The following ABCC6 variants were observed in gnomAD, a reference collection of about 807,000 sequenced individuals.
The protein encoded by ABCC6 is ATP binding cassette subfamily C member 6.
ABCC6 carries 126 observed loss-of-function variants against 169.5 expected under a neutral mutation model. The observed-to-expected ratio is 0.74, with a 90% CI of 0.64 to 0.86. The LOEUF (loss-of-function observed/expected upper bound fraction) is 0.86. Among genes scored for constraint, ABCC6 ranks in the 40% least tolerant of loss-of-function variants. ABCC6 has a pLI of 0.00. For missense variants in ABCC6, 1,733 were observed against 1,927.2 expected (o/e 0.90, Z 1.89); for synonymous variants, 752 against 814.7 (o/e 0.92, Z 1.31).
At chr16:16,216,131 A>G (rs1445820120) in intron 4 of ABCC6, among the ~76,000 whole-genome samples, 1 of 152,032 alleles carries the variant, frequency 6.6e-6, no homozygotes. Context: ...CATGTTGCCC[A>G]TGCTGGTCTT....
At chr16:16,178,728 G>A (rs943050185) in intron 18 of ABCC6, 70 bp downstream of exon 18, 4 of 1,579,658 alleles carry the variant, frequency 2.5e-6, no homozygotes, top group Non-Finnish European at 1.7e-6. Context: ...ATAAACTTGG[G>A]TTAGGACTGG....
At chr16:16,177,013 G>A (rs969032965) in intron 19 of ABCC6, among the ~76,000 whole-genome samples, 2 of 152,156 alleles carry the variant, frequency 1.3e-5, no homozygotes, top group African/African-American at 4.8e-5. Context: ...AGAAACCCTA[G>A]CTAGCATGGT....
intron 4 of ABCC6, among the ~76,000 whole-genome samples, 169 bp downstream of exon 4, chr16:16,219,385 G>A (rs1359072589): frequency 1.3e-5 from 2 of 152,142 alleles, no homozygotes; most frequent in African/African-American, 2.4e-5. Flanking sequence ...GGGATGATGG[G>A]TACTGACAGG....
Position 16,187,103 on chromosome 16 carries a change from C to T in ABCC6, c.1867+21G>A, listed in dbSNP as rs761394066. ...CATCCCCCATCCCTCCCACACCCCT[C>T]CTGCCAGACTCAGCACTCACCGCTT... On this transcript the variant is annotated intron_variant, in intron 14 of 30. Transcript: ENST00000205557. 6 of 1,603,726 alleles carry T rather than the reference C, an allele frequency of 3.7e-6. No homozygotes were observed. In the African/African-American group the frequency reaches 5.4e-5, roughly 14 times the overall value.
intron 29 of ABCC6, among the ~76,000 whole-genome samples, chr16:16,152,805 G>A (rs1030456895): frequency 1.4e-4 from 22 of 152,060 alleles, no homozygotes; most frequent in African/African-American, 5.3e-4. Flanking sequence ...ACCAAGCAAC[G>A]CTGCCTCTCT....
At chr16:16,204,895 T>C (rs535642788) in intron 7 of ABCC6, among the ~76,000 whole-genome samples, 1 of 151,006 alleles carries the variant, frequency 6.6e-6, no homozygotes, top group South Asian at 2.1e-4. Flanking sequence ...GAGTGCAGTG[T>C]AGCAATCTCG....
At chr16:16,189,887 C>T (rs1442785710) in intron 12 of ABCC6, among the ~76,000 whole-genome samples, 2 of 152,112 alleles carry the variant, frequency 1.3e-5, no homozygotes, top group African/African-American at 4.8e-5. Context: ...CCTCTGCCAC[C>T]CCCCTGCATC....
chr16:16,197,140 C>G (rs1216433585), intron 10 of ABCC6, among the ~76,000 whole-genome samples: 1 of 152,158 alleles, frequency 6.6e-6, no homozygotes, highest in Admixed American at 6.6e-5. Context: ...ATTTTTCCCC[C>G]TAAAATGTTC....
Position 16,209,644 on chromosome 16 carries a change from C to A in ABCC6, c.663-785G>T, listed in dbSNP as rs139219373. On this transcript the variant is annotated intron_variant, in intron 6 of 30. Transcript: ENST00000205557. ...TTTGAGATGGAGTCTCACTCTGTTGCCTAGGCTGGAGTGCACTGATGTGAT... is the reference window on the plus strand; with the variant it reads ...TTTGAGATGGAGTCTCACTCTGTTGACTAGGCTGGAGTGCACTGATGTGAT... Among the ~76,000 whole-genome samples, 452 of 151,912 alleles carry A rather than the reference C, an allele frequency of 3.0e-3. 25 individuals carry two copies. The East Asian group carries it at 0.069, about 23-fold the overall frequency.
intron 22 of ABCC6, among the ~76,000 whole-genome samples, chr16:16,167,820 C>G (rs1375663706): frequency 6.6e-6 from 1 of 152,162 alleles, no homozygotes; most frequent in Non-Finnish European, 1.5e-5. Flanking sequence ...CAATTTCTCT[C>G]TCTCAGCTCC....
chr16:16,154,537 G>A (rs908373664), intron 29 of ABCC6, 91 bp downstream of exon 29: 23 of 1,493,766 alleles, frequency 1.5e-5, no homozygotes, highest in African/African-American at 5.5e-5. Context: ...TAATCCTATC[G>A]GGGGAGGCAT....
At chr16:16,166,672 G>C (rs1453479615) in intron 22 of ABCC6, among the ~76,000 whole-genome samples, 1 of 152,034 alleles carries the variant, frequency 6.6e-6, no homozygotes, top group Non-Finnish European at 1.5e-5. Context: ...CTGAGGTCAG[G>C]AGTTCGAGAC....
At chr16:16,213,666 T>C (rs1322677333) in intron 5 of ABCC6, among the ~76,000 whole-genome samples, 1 of 149,282 alleles carries the variant, frequency 6.7e-6, no homozygotes, top group Non-Finnish European at 1.5e-5. Context: ...ATTCAAGCAA[T>C]TCTCCTGCCT....
At chr16:16,161,662 C>T in intron 24 of ABCC6, 98 bp from the exon 25 acceptor site, 4 of 1,534,892 alleles carry the variant, frequency 2.6e-6, no homozygotes, top group Non-Finnish European at 3.6e-6. Flanking sequence ...GCTTTGTACA[C>T]ACAGGGGTCC....
intron 4 of ABCC6, among the ~76,000 whole-genome samples, chr16:16,217,743 T>C (rs2048930469): frequency 6.6e-6 from 1 of 152,114 alleles, no homozygotes; most frequent in Admixed American, 6.6e-5. Flanking sequence ...ATTTCAGAAA[T>C]TACTGAATAA....
At chr16:16,179,644 G>A (rs960939791) in intron 17 of ABCC6, among the ~76,000 whole-genome samples, 1 of 152,182 alleles carries the variant, frequency 6.6e-6, no homozygotes, top group African/African-American at 2.4e-5. Flanking sequence ...GGCTGGGAGT[G>A]CAATGGCATG....
chr16:16,150,730 G>C lies in ABCC6; in HGVS notation c.4251C>G (p.Leu1417=), dbSNP rs773407624. ...CCAGGATGAGGATCTGGGTCTTCCG[G>C]AGAAGGGCACGTGCCAGACACAGGA... ...KQLLCLARAL[L]RKTQILILDE... is the part of the protein sequence containing the mutation. Residue 1417 remains leucine (L), a synonymous_variant, in exon 30 of 31, where the codon CTC becomes CTG. Coordinates refer to ENST00000205557, the MANE Select transcript of ABCC6 (RefSeq NM_001171.6). The C allele has an allele frequency of 6.2e-7, 1 of 1,613,930 alleles. No homozygotes were observed. Among genetic ancestry groups the C allele is most frequent in the Non-Finnish European group, 8.5e-7 (1 of 1,179,970 alleles).
chr16:16,185,043 C>T lies in ABCC6; in HGVS notation c.1868-9G>A, dbSNP rs2047604466. 6.2e-7 allele frequency: 1 copy of T among 1,611,836 alleles called. No individual in the cohort carries two copies. The highest frequency in any genetic ancestry group is 8.5e-7 in the Non-Finnish European group (1 of 1,178,014). On this transcript the variant is annotated splice_polypyrimidine_tract_variant and intron_variant, in intron 14 of 30. Coordinates refer to ENST00000205557, the MANE Select transcript of ABCC6 (RefSeq NM_001171.6). The stretch of plus-strand genomic sequence containing the variant: ...GCAATCCTTCCCGGCAGCTGCAGGG[C>T]ACAAGAGGCCATTTACAGGAGACCC...
Position 16,150,740 on chromosome 16 carries a change from C to T in ABCC6, c.4241G>A (p.Arg1414His), listed in dbSNP as rs775319351. Reference protein sequence around the residue: ...VGQKQLLCLARALLRKTQILI... With the variant: ...VGQKQLLCLAHALLRKTQILI... ...GATCTGGGTCTTCCGGAGAAGGGCA[C>T]GTGCCAGACACAGGAGCTGTTTCTG... Residue 1414 changes from arginine (R) to histidine (H), a missense_variant, in exon 30 of 31, where the codon CGT (arginine) becomes CAT (histidine). Arg to His is a conservative substitution (Grantham distance 29). This residue lies in a region of ABCC6 where 1,601 missense variants were observed against 1,635.5 expected (regional missense o/e 0.98). Coordinates refer to ENST00000205557, the MANE Select transcript of ABCC6 (RefSeq NM_001171.6). 19 of 1,613,760 alleles carry T rather than the reference C, an allele frequency of 1.2e-5. No homozygotes were observed. The Middle Eastern group carries it at 4.9e-4, about 42-fold the overall frequency.
Sources: gnomAD v4.1 joint callset for allele counts (sites outside exome capture counted in the v4.1 genomes callset) on GRCh38, gnomAD v4.1.1 for gene constraint, gnomAD v4.1.1 regional missense constraint, MANE v1.5 for transcripts, NCBI Gene and HGNC (gene_info 2026-07-23, HGNC 2026-07-21) for gene names.